KLHL1: variants seen among roughly 807,000 people sequenced by gnomAD.
The protein encoded by KLHL1 is kelch-like protein 1.
In KLHL1, 47 loss-of-function variants were observed where a neutral mutation model predicts 77.7. The ratio of observed to expected loss-of-function variants is 0.60; its 90% CI spans 0.48 to 0.77. The LOEUF (loss-of-function observed/expected upper bound fraction) is 0.77. KLHL1 is among the 30% of genes least tolerant of loss of function. The pLI is 0.00. For synonymous variants in KLHL1, 360 were observed against 325.2 expected, an observed-to-expected ratio of 1.11 and a Z score of -1.15; for missense variants, 925 against 910.8, an observed-to-expected ratio of 1.02 and a Z score of -0.20.
chr13:70,097,838 AC>A (rs375671069), intron 1 of KLHL1, among the ~76,000 whole-genome samples: 107 of 151,678 alleles, frequency 7.1e-4, no homozygotes, highest in African/African-American at 2.5e-3. Context: ...AATTCAAAAA[AC>A]ATTCAGAGAA....
intron 3 of KLHL1, 94 bp from the exon 4 acceptor site, chr13:69,940,330 A>G: frequency 1.3e-6 from 1 of 777,766 alleles, no homozygotes; most frequent in Non-Finnish European, 1.9e-6. Context: ...AATCTGCTAG[A>G]ACAGATCTAA....
At chr13:69,744,631 C>A (rs756298718) in intron 7 of KLHL1, among the ~76,000 whole-genome samples, 6 of 151,760 alleles carry the variant, frequency 4.0e-5, no homozygotes, top group Non-Finnish European at 7.4e-5. Flanking sequence ...CACTCCAAAA[C>A]CTCTCATGCA....
At chr13:70,075,566 TGTGTATATATATATATATATATAC>T (rs1458236088) in intron 1 of KLHL1, among the ~76,000 whole-genome samples, 1 of 108,630 alleles carries the variant, frequency 9.2e-6, no homozygotes, top group Non-Finnish European at 1.8e-5. Flanking sequence ...TGTGTGTGTA[TGTGTATATATATATATATATATAC>T]ACACACACAC....
intron 5 of KLHL1, among the ~76,000 whole-genome samples, chr13:69,878,582 C>T (rs1477133902): frequency 6.6e-6 from 1 of 151,722 alleles, no homozygotes; most frequent in Non-Finnish European, 1.5e-5. Context: ...TTGTGTTTTG[C>T]TATATATTAA....
intron 9 of KLHL1, among the ~76,000 whole-genome samples, chr13:69,716,121 C>T (rs1178729510): frequency 6.6e-6 from 1 of 151,938 alleles, no homozygotes; most frequent in Non-Finnish European, 1.5e-5. Flanking sequence ...TCCATGAATC[C>T]ACCTCAACAT....
At chr13:69,793,088 TAA>T (rs1876940749) in intron 7 of KLHL1, among the ~76,000 whole-genome samples, 4 of 152,066 alleles carry the variant, frequency 2.6e-5, no homozygotes, top group African/African-American at 9.7e-5. Flanking sequence ...ACCATATATT[TAA>T]TATATAAGAT....
At chr13:69,799,668 G>T (rs1178554279) in intron 6 of KLHL1, among the ~76,000 whole-genome samples, 4 of 152,122 alleles carry the variant, frequency 2.6e-5, no homozygotes, top group African/African-American at 4.8e-5. Context: ...AGTTCAGGAG[G>T]TCAGAAATCT....
intron 4 of KLHL1, among the ~76,000 whole-genome samples, chr13:69,917,974 G>A (rs1347266763): frequency 3.9e-5 from 6 of 152,016 alleles, no homozygotes; most frequent in African/African-American, 1.4e-4. Context: ...GTACTCCACA[G>A]CACTGATTCC....
At chr13:69,751,256 C>T (rs775969800) in intron 7 of KLHL1, among the ~76,000 whole-genome samples, 17 of 151,858 alleles carry the variant, frequency 1.1e-4, no homozygotes, top group Non-Finnish European at 2.4e-4. Flanking sequence ...TGTTATGCAA[C>T]TTGCATTTCA....
Position 69,782,542 on chromosome 13 carries a change from G to A in KLHL1, c.1639+14196C>T, listed in dbSNP as rs562157061. Among the ~76,000 whole-genome samples, 20 of 152,236 alleles carry A rather than the reference G, an allele frequency of 1.3e-4. No individual in the cohort carries two copies. In the East Asian group the frequency reaches 1.4e-3, roughly 10 times the overall value. On this transcript the variant is annotated intron_variant, in intron 7 of 10. Transcript: ENST00000377844. ...CTGCACCTGGCTTGGAGGGTCCTAC[G>A]CCCACAGAGTCTCACTGATTGCTAG...
chr13:70,073,244 T>C (rs929524100), intron 1 of KLHL1, among the ~76,000 whole-genome samples: 14 of 152,138 alleles, frequency 9.2e-5, no homozygotes, highest in Admixed American at 8.5e-4. Flanking sequence ...AAGGATGAGT[T>C]CATGTCCTTT....
At chr13:70,056,932 C>A (rs189668545) in intron 1 of KLHL1, among the ~76,000 whole-genome samples, 138 of 151,724 alleles carry the variant, frequency 9.1e-4, no homozygotes, top group African/African-American at 3.1e-3. Context: ...CAAACCAAAC[C>A]CAAAATTAGT....
At chr13:69,780,959 CT>C (rs1370496560) in intron 7 of KLHL1, among the ~76,000 whole-genome samples, 4 of 150,540 alleles carry the variant, frequency 2.7e-5, no homozygotes, top group African/African-American at 9.8e-5. Context: ...GTTGCACCCC[CT>C]GATCTAACTG....
At chr13:69,710,885 A>T (rs575697819) in intron 9 of KLHL1, among the ~76,000 whole-genome samples, 9 of 151,896 alleles carry the variant, frequency 5.9e-5, no homozygotes, top group African/African-American at 2.2e-4. Flanking sequence ...CCTGCATCTT[A>T]CCTTGGCCTT....
intron 1 of KLHL1, among the ~76,000 whole-genome samples, chr13:69,979,810 T>G (rs750564569): frequency 1.3e-5 from 2 of 152,176 alleles, no homozygotes; most frequent in Non-Finnish European, 2.9e-5. Flanking sequence ...CAACCTAACA[T>G]ATATAAAAAT....
intron 1 of KLHL1, among the ~76,000 whole-genome samples, chr13:69,991,771 A>G (rs1310263964): frequency 6.6e-6 from 1 of 151,980 alleles, no homozygotes; most frequent in Non-Finnish European, 1.5e-5. Context: ...CAAAAAATTG[A>G]GGCGGAGAGA....
At chr13:69,752,591 G>A (rs1019699824) in intron 7 of KLHL1, among the ~76,000 whole-genome samples, 9 of 152,142 alleles carry the variant, frequency 5.9e-5, no homozygotes, top group African/African-American at 2.2e-4. Context: ...ATGTAGCTAA[G>A]AGTTGTTTTC....
At chr13:69,785,982 C>G (rs1011826198) in intron 7 of KLHL1, among the ~76,000 whole-genome samples, 1 of 152,116 alleles carries the variant, frequency 6.6e-6, no homozygotes, top group African/African-American at 2.4e-5. Context: ...CTGAATAGAC[C>G]AATAACAGGC....
chr13:69,815,332 A>C (rs1878074860), intron 6 of KLHL1, among the ~76,000 whole-genome samples: 1 of 152,258 alleles, frequency 6.6e-6, no homozygotes, highest in Non-Finnish European at 1.5e-5. Flanking sequence ...GATTGAATAA[A>C]GAAAATGTGG....
Sources: allele counts gnomAD v4.1 joint callset (sites outside exome capture counted in the v4.1 genomes callset), GRCh38; gene constraint gnomAD v4.1.1; transcripts MANE v1.5; gene names NCBI Gene and HGNC (gene_info 2026-07-23, HGNC 2026-07-21).